The following EYS variants were observed in gnomAD, a reference collection of about 807,000 sequenced individuals.
EYS encodes EGF-like photoreceptor maintenance factor.
EYS carries 250 observed loss-of-function variants against 282.1 expected under a neutral mutation model. The ratio of observed to expected loss-of-function variants is 0.89; its 90% confidence interval spans 0.80 to 0.98. The LOEUF is 0.98. Ranked by LOEUF, EYS falls within the 50% of genes least tolerant of loss-of-function variation. EYS has a pLI of 0.00. For missense variants in EYS, 4,016 were observed against 3,709.0 expected (o/e 1.08, Z -2.15); for synonymous variants, 1,355 against 1,282.9 (o/e 1.06, Z -1.20).
At chr6:64,193,994 A>G (rs1765200911) in intron 31 of EYS, among the ~76,000 whole-genome samples, 1 of 152,172 alleles carries the variant, frequency 6.6e-6, no homozygotes, top group African/African-American at 2.4e-5. Flanking sequence ...AGCATGATTT[A>G]TAATCCTTTG....
intron 36 of EYS, among the ~76,000 whole-genome samples, chr6:63,831,054 C>T (rs1771621792): frequency 6.6e-6 from 1 of 152,196 alleles, no homozygotes; most frequent in Non-Finnish European, 1.5e-5. Context: ...CTTACAAGAG[C>T]TCCTGAAGGA....
intron 8 of EYS, among the ~76,000 whole-genome samples, chr6:65,371,723 CTCTCTCTCTCTCTCTCTCTG>C (rs1308486797): frequency 1.3e-5 from 1 of 74,900 alleles, no homozygotes; most frequent in Non-Finnish European, 3.1e-5. Flanking sequence ...CTCTCTCTCT[CTCTCTCTCTCTCTCTCTCTG>C]TGTGTGTGTG....
chr6:64,547,928 A>G (rs1764933538), intron 26 of EYS, among the ~76,000 whole-genome samples: 1 of 152,194 alleles, frequency 6.6e-6, no homozygotes, highest in African/African-American at 2.4e-5. Context: ...CCCAGGTGCT[A>G]AGCCCCTCAC....
At chr6:65,093,026 A>G (rs1470991164) in intron 12 of EYS, among the ~76,000 whole-genome samples, 2 of 152,146 alleles carry the variant, frequency 1.3e-5, no homozygotes, top group African/African-American at 2.4e-5. Context: ...GTCAATACCA[A>G]AGATAATTTT....
At chr6:65,174,794 A>G (rs892898170) in intron 12 of EYS, among the ~76,000 whole-genome samples, 4 of 151,416 alleles carry the variant, frequency 2.6e-5, no homozygotes, top group African/African-American at 9.7e-5. Flanking sequence ...TTTTCATAAG[A>G]AATTACATTT....
At chr6:64,754,982 G>A (rs147226502) in intron 22 of EYS, among the ~76,000 whole-genome samples, 4 of 152,016 alleles carry the variant, frequency 2.6e-5, no homozygotes, top group East Asian at 1.9e-4. Flanking sequence ...TATCCAAACC[G>A]GAACCGAGGA....
chr6:64,200,330 CT>C (rs1274000408), intron 31 of EYS, among the ~76,000 whole-genome samples: 1 of 152,042 alleles, frequency 6.6e-6, no homozygotes, highest in African/African-American at 2.4e-5. Flanking sequence ...AAAGTATCTA[CT>C]TTAGTTAACA....
chr6:64,125,219 A>G (rs895309828), intron 31 of EYS, among the ~76,000 whole-genome samples: 1 of 150,772 alleles, frequency 6.6e-6, no homozygotes, highest in African/African-American at 2.5e-5. Flanking sequence ...TTTATTATGC[A>G]TACAACCAGG....
intron 36 of EYS, chr6:63,857,571 TG>T (rs1477480862): frequency 6.7e-6 from 2 of 297,888 alleles, no homozygotes; most frequent in Non-Finnish European, 1.4e-5. Context: ...TTTAAGTGTA[TG>T]TTTCCTAGGG....
chr6:64,054,342 AC>A, intron 33 of EYS, among the ~76,000 whole-genome samples: 1 of 152,236 alleles, frequency 6.6e-6, no homozygotes, highest in Admixed American at 6.5e-5. Flanking sequence ...TAGAAAAAAA[AC>A]CCAGAATATT....
At chr6:64,082,403 T>C (rs1012731049) in intron 31 of EYS, among the ~76,000 whole-genome samples, 2 of 152,170 alleles carry the variant, frequency 1.3e-5, no homozygotes, top group Admixed American at 6.5e-5. Flanking sequence ...TGTAGGTATA[T>C]ATATTTATGG....
chr6:63,754,000 A>G (rs1400695424), intron 41 of EYS, among the ~76,000 whole-genome samples: 23 of 152,166 alleles, frequency 1.5e-4, no homozygotes, highest in Admixed American at 1.5e-3. Context: ...TTTAGGTCCA[A>G]CTAGCAGAAA....
chr6:65,419,388 C>A (rs114997812), intron 5 of EYS, among the ~76,000 whole-genome samples: 1 of 151,420 alleles, frequency 6.6e-6, no homozygotes, highest in East Asian at 1.9e-4. Flanking sequence ...TAAACATGTA[C>A]AAAAATTCAC....
At chr6:65,627,678 A>G (rs189919860) in intron 2 of EYS, among the ~76,000 whole-genome samples, 2,056 of 152,302 alleles carry the variant, frequency 0.013, 15 homozygotes, top group African/African-American at 0.018. Context: ...TGAGGGACTT[A>G]GCACCCGGGC....
intron 12 of EYS, among the ~76,000 whole-genome samples, chr6:65,287,042 G>A (rs564938501): frequency 1.4e-3 from 205 of 151,516 alleles, no homozygotes; most frequent in African/African-American, 4.6e-3. Context: ...TTTCCCGCAG[G>A]AAGCTCAAGA....
intron 24 of EYS, among the ~76,000 whole-genome samples, chr6:64,598,897 T>C (rs960246913): frequency 6.6e-6 from 1 of 152,210 alleles, no homozygotes; most frequent in South Asian, 2.1e-4. Context: ...GCCAGGGAAG[T>C]CTTCTCTGAA....
At chr6:65,379,981 T>C (rs1161352533) in intron 8 of EYS, among the ~76,000 whole-genome samples, 1 of 151,828 alleles carries the variant, frequency 6.6e-6, no homozygotes, top group Admixed American at 6.6e-5. Context: ...CACAAACAAA[T>C]GGAAAAAAAC....
chr6:64,921,931 T>G (rs75038446), intron 15 of EYS, among the ~76,000 whole-genome samples: 1 of 151,380 alleles, frequency 6.6e-6, no homozygotes, highest in Admixed American at 6.6e-5. Context: ...GTTCTCAGAG[T>G]AGGAAACTGA....
chr6:65,334,025 G>C (rs1769891420), intron 11 of EYS, among the ~76,000 whole-genome samples: 1 of 151,010 alleles, frequency 6.6e-6, no homozygotes, highest in Non-Finnish European at 1.5e-5. Flanking sequence ...ATCTTCTATA[G>C]ATCATATATA....
Sources: allele counts gnomAD v4.1 joint callset (sites outside exome capture counted in the v4.1 genomes callset), GRCh38; gene constraint gnomAD v4.1.1; transcripts MANE v1.5; gene names NCBI Gene and HGNC (gene_info 2026-07-23, HGNC 2026-07-21).